The following PRKAG2 variants were observed in gnomAD, a reference collection of about 807,000 sequenced individuals.
PRKAG2 encodes the protein protein kinase AMP-activated non-catalytic subunit gamma 2, also known as 5'-AMP-activated protein kinase subunit gamma-2.
In PRKAG2, 26 loss-of-function variants were observed where a neutral mutation model predicts 69.6. The ratio of observed to expected loss-of-function variants is 0.37; its 90% CI spans 0.27 to 0.52. The LOEUF is 0.52. Among genes scored for constraint, PRKAG2 ranks in the 20% least tolerant of loss-of-function variants. PRKAG2 has a pLI of 0.90. For synonymous variants in PRKAG2, 293 were observed against 285.0 expected, an observed-to-expected ratio of 1.03 and a Z score of -0.28; for missense variants, 557 against 740.0, an observed-to-expected ratio of 0.75 and a Z score of 2.87.
chr7:151,592,723 C>T (rs2151121431), intron 6 of PRKAG2, among the ~76,000 whole-genome samples: 2 of 152,248 alleles, frequency 1.3e-5, no homozygotes, highest in Middle Eastern at 3.4e-3. Flanking sequence ...AACATTTTCT[C>T]CATTATGCAG....
intron 4 of PRKAG2, among the ~76,000 whole-genome samples, chr7:151,671,037 G>A (rs1831945394): frequency 6.6e-6 from 1 of 152,078 alleles, no homozygotes; most frequent in Admixed American, 6.6e-5. Context: ...AGCTGGGTGT[G>A]GTGGTGCATG....
chr7:151,565,257 T>TA, intron 13 of PRKAG2, 89 bp downstream of exon 13: 1 of 1,080,410 alleles, frequency 9.3e-7, no homozygotes, highest in Non-Finnish European at 1.3e-6. Flanking sequence ...ATTATTAAAT[T>TA]AAGAAACAAG....
intron 4 of PRKAG2, 132 bp downstream of exon 4, chr7:151,675,288 C>A: frequency 1.1e-6 from 1 of 888,916 alleles, no homozygotes; most frequent in Non-Finnish European, 1.8e-6. Context: ...ATTTATGGTA[C>A]AATATCCTGA....
intron 3 of PRKAG2, among the ~76,000 whole-genome samples, chr7:151,762,855 G>A (rs1259249045): frequency 2.0e-5 from 3 of 152,174 alleles, no homozygotes; most frequent in African/African-American, 4.8e-5. Context: ...CCCACAGCGC[G>A]GCTCCCTGAC....
chr7:151,559,909 G>C, intron 15 of PRKAG2: 1 of 985,320 alleles, frequency 1.0e-6, no homozygotes, highest in Non-Finnish European at 1.2e-6. Context: ...TTACTACTGA[G>C]TGTGTGAAAT....
intron 3 of PRKAG2, among the ~76,000 whole-genome samples, chr7:151,714,283 T>C (rs944854074): frequency 2.6e-5 from 4 of 150,986 alleles, no homozygotes; most frequent in African/African-American, 9.9e-5. Context: ...GGAAAATGTG[T>C]GCCAAGGTAT....
chr7:151,741,734 T>C (rs1482435557), intron 3 of PRKAG2, among the ~76,000 whole-genome samples: 1 of 152,016 alleles, frequency 6.6e-6, no homozygotes, highest in African/African-American at 2.4e-5. Flanking sequence ...GTATTGAAAT[T>C]TGTGTGGAAA....
chr7:151,751,832 G>A (rs2074715188), intron 3 of PRKAG2, among the ~76,000 whole-genome samples: 1 of 152,144 alleles, frequency 6.6e-6, no homozygotes, highest in African/African-American at 2.4e-5. Context: ...CTTCTATGTG[G>A]GTGTTTAGGT....
chr7:151,726,475 A>T lies in PRKAG2; in HGVS notation c.467-50838T>A, dbSNP rs149615887. Among the ~76,000 whole-genome samples the T allele has an allele frequency of 1.4e-3, 209 of 152,110 alleles. 1 individual carries two copies. Among genetic ancestry groups the T allele is most frequent in the African/African-American group, 4.9e-3 (205 of 41,506 alleles). On this transcript the variant is annotated intron_variant, in intron 3 of 15. Transcript: ENST00000287878. ...GTACCCTACTACCAGTAATCTTAGT[A>T]CGAGTCCAACAGAAAGGCACACCAA...
chr7:151,564,949 C>T (rs1179973275), intron 13 of PRKAG2, among the ~76,000 whole-genome samples: 1 of 152,120 alleles, frequency 6.6e-6, no homozygotes, highest in Non-Finnish European at 1.5e-5. Context: ...TTCTTTAGAA[C>T]AGTGGCTCCC....
At chr7:151,759,451 T>C (rs989180386) in intron 3 of PRKAG2, among the ~76,000 whole-genome samples, 3 of 152,200 alleles carry the variant, frequency 2.0e-5, no homozygotes, top group South Asian at 2.1e-4. Context: ...GATGGGCTCA[T>C]TCACTGCTGC....
At chr7:151,847,654 T>C (rs2151892863) in intron 1 of PRKAG2, among the ~76,000 whole-genome samples, 1 of 152,348 alleles carries the variant, frequency 6.6e-6, no homozygotes. Context: ...ACCTGGTATA[T>C]AACCACGCGG....
rs937762383 is a variant in PRKAG2 at position 151,699,577 on chromosome 7, A to G, written c.467-23940T>C. ...CTTTTGCTTTGAAATAAATCAGTGA[A>G]TCAATGAGATGAGAAGTATTCACTG... On this transcript the variant is annotated intron_variant, in intron 3 of 15. Coordinates refer to ENST00000287878, the MANE Select transcript of PRKAG2 (RefSeq NM_016203.4). The surrounding 1 kb of genome is among the most constrained non-coding windows in gnomAD (Gnocchi z 4.5). 6.6e-6 allele frequency among the ~76,000 whole-genome samples: 1 copy of G among 152,232 alleles called. No individual in the cohort carries two copies. Among genetic ancestry groups the G allele is most frequent in the African/African-American group, 2.4e-5 (1 of 41,460 alleles).
chr7:151,664,489 C>T (rs577987807), intron 4 of PRKAG2, among the ~76,000 whole-genome samples: 1 of 152,310 alleles, frequency 6.6e-6, no homozygotes, highest in South Asian at 2.1e-4. Context: ...ATCTCCTCTT[C>T]ACACCAAGCT....
At chr7:151,874,909 A>G (rs1327851708) in intron 1 of PRKAG2, among the ~76,000 whole-genome samples, 1 of 152,156 alleles carries the variant, frequency 6.6e-6, no homozygotes, top group Non-Finnish European at 1.5e-5. Flanking sequence ...AAACAATAAA[A>G]AAGAGTTTTC....
chr7:151,655,337 C>G (rs145356199), intron 4 of PRKAG2, among the ~76,000 whole-genome samples: 1 of 152,136 alleles, frequency 6.6e-6, no homozygotes, highest in Non-Finnish European at 1.5e-5. Context: ...TCCTAAGAAT[C>G]GTGAGCCCTC....
intron 4 of PRKAG2, among the ~76,000 whole-genome samples, chr7:151,635,829 C>G (rs1373427570): frequency 1.3e-5 from 2 of 151,890 alleles, no homozygotes; most frequent in East Asian, 3.9e-4. Flanking sequence ...ATGAGTCAGG[C>G]CAAGCTGATT....
chr7:151,703,845 A>AACACACACACACACACACACACAC (rs535818189), intron 3 of PRKAG2, among the ~76,000 whole-genome samples: 1 of 88,494 alleles, frequency 1.1e-5, no homozygotes, highest in Non-Finnish European at 2.1e-5. Context: ...TTTACTGGAA[A>AACACACACACACACACACACACAC]ACACACACAC....
rs376529216 is a variant in PRKAG2, at chr7:151,590,602, CT to C, written c.864+4742del. On this transcript the variant is annotated intron_variant, in intron 6 of 15. Transcript: ENST00000287878. ...CTTTACTCGAAAGCCCAGTGACAGG[CT>C]TTCCTAGGGCAGACGCCTAGCGTGG... Among the ~76,000 whole-genome samples, 552 of 152,336 alleles carry C rather than the reference CT, an allele frequency of 3.6e-3. 8 individuals carry two copies. Among genetic ancestry groups the C allele is most frequent in the African/African-American group, 0.012 (509 of 41,570 alleles).
Sources: allele counts gnomAD v4.1 joint callset (sites outside exome capture counted in the v4.1 genomes callset), GRCh38; gene constraint gnomAD v4.1.1; non-coding constraint Gnocchi (gnomAD v3.1); transcripts MANE v1.5; gene names NCBI Gene and HGNC (gene_info 2026-07-23, HGNC 2026-07-21).